PPP1R8: variants seen among roughly 807,000 people sequenced by gnomAD.
PPP1R8 encodes nuclear inhibitor of protein phosphatase 1.
Under a neutral mutation model 31.3 loss-of-function variants are expected in PPP1R8, and 4 were observed. The observed-to-expected ratio is 0.13, with a 90% confidence interval of 0.06 to 0.29. The LOEUF (loss-of-function observed/expected upper bound fraction) is 0.29. PPP1R8 is among the 10% of genes least tolerant of loss of function. The pLI, the probability that PPP1R8 is intolerant of heterozygous loss-of-function variation, is 1.00. For missense variants in PPP1R8, 254 were observed against 440.1 expected (o/e 0.58, Z 3.78); for synonymous variants, 170 against 169.7 (o/e 1.00, Z -0.01).
At chr1:27,835,368 T>G (rs1193737652) in intron 2 of PPP1R8, among the ~76,000 whole-genome samples, 2 of 152,188 alleles carry the variant, frequency 1.3e-5, no homozygotes, top group Admixed American at 6.5e-5. Flanking sequence ...TTCTGGGCTC[T>G]CTCTTAATCC....
chr1:27,832,830 T>C lies in PPP1R8; in HGVS notation c.117+14T>C, dbSNP rs1325072217. 21 of 1,597,100 alleles carry C rather than the reference T, an allele frequency of 1.3e-5. No individual in the cohort carries two copies. The highest frequency in any genetic ancestry group is 1.8e-5 in the Non-Finnish European group (21 of 1,169,140). ...AAACTAATTGAGGTATGGAAATACA[T>C]GTCTTACTTTTTTGGCTGCCACACT... On this transcript the variant is annotated intron_variant, in intron 2 of 6. Transcript: ENST00000311772.
rs1453161267 is a variant in PPP1R8, at chr1:27,840,940, C to T, written c.272-74C>T. The stretch of plus-strand genomic sequence containing the variant: ...GAAGCTGACCTGATAAGAGAGTTGG[C>T]GATCATACTCTTCCTTCTAAAACTC... On this transcript the variant is annotated intron_variant, in intron 3 of 6. Coordinates refer to ENST00000311772, the MANE Select transcript of PPP1R8 (RefSeq NM_014110.5). The T allele has an allele frequency of 6.1e-6, 9 of 1,465,624 alleles. No individual in the cohort carries two copies. In the East Asian group the frequency reaches 1.1e-4, roughly 19 times the overall value. 90.8% of individuals were successfully genotyped at this position (1,465,624 alleles called of 1,614,324 possible).
chr1:27,837,876 A>G (rs1435958702), intron 2 of PPP1R8, among the ~76,000 whole-genome samples: 1 of 151,840 alleles, frequency 6.6e-6, no homozygotes, highest in Non-Finnish European at 1.5e-5. Flanking sequence ...GGAGTTCAAG[A>G]CCAACCTGGC....
At chr1:27,833,471 A>T (rs2089131713) in intron 2 of PPP1R8, among the ~76,000 whole-genome samples, 1 of 152,220 alleles carries the variant, frequency 6.6e-6, no homozygotes, top group Non-Finnish European at 1.5e-5. Context: ...AGTTTAGCAG[A>T]ATTCCAGCTT....
chr1:27,843,392 C>T (rs2148618341), intron 5 of PPP1R8, 62 bp downstream of exon 5: 1 of 1,602,006 alleles, frequency 6.2e-7, no homozygotes, highest in Non-Finnish European at 8.5e-7. Flanking sequence ...CGCGGTGGCT[C>T]ACGCCTGTAG....
chr1:27,846,773 C>T (rs1245869307), intron 5 of PPP1R8, among the ~76,000 whole-genome samples: 2 of 152,194 alleles, frequency 1.3e-5, no homozygotes, highest in Non-Finnish European at 2.9e-5. Context: ...GTACTCTCCA[C>T]CAGAGCAACT....
At chr1:27,837,730 G>A (rs539238226) in intron 2 of PPP1R8, among the ~76,000 whole-genome samples, 4 of 147,476 alleles carry the variant, frequency 2.7e-5, no homozygotes, top group South Asian at 2.2e-4. Context: ...AGCCGAGATC[G>A]CACCACTGCA....
At chr1:27,847,768 A>C (rs1395331268) in intron 6 of PPP1R8, among the ~76,000 whole-genome samples, 1 of 152,080 alleles carries the variant, frequency 6.6e-6, no homozygotes, top group East Asian at 1.9e-4. Flanking sequence ...CTGTTGAGTG[A>C]GTGCTTAATT....
intron 4 of PPP1R8, among the ~76,000 whole-genome samples, chr1:27,842,197 C>T (rs527751094): frequency 1.8e-4 from 28 of 152,132 alleles, no homozygotes; most frequent in East Asian, 9.7e-4. Flanking sequence ...AAAAAATTAG[C>T]TGGGTGTGGT....
intron 5 of PPP1R8, among the ~76,000 whole-genome samples, chr1:27,844,009 T>G (rs1388327681): frequency 1.3e-5 from 2 of 152,142 alleles, no homozygotes; most frequent in Non-Finnish European, 2.9e-5. Context: ...TTTTTCTTTT[T>G]TGTGTGTGTG....
At chr1:27,845,624 T>C (rs1486490228) in intron 5 of PPP1R8, among the ~76,000 whole-genome samples, 2 of 151,880 alleles carry the variant, frequency 1.3e-5, no homozygotes, top group Admixed American at 1.3e-4. Flanking sequence ...ATGGTGAATA[T>C]AATACCAGAG....
chr1:27,843,527 G>A (rs1157041085), intron 5 of PPP1R8, among the ~76,000 whole-genome samples, 197 bp downstream of exon 5: 1 of 152,182 alleles, frequency 6.6e-6, no homozygotes, highest in African/African-American at 2.4e-5. Flanking sequence ...GGGCATGGTG[G>A]TGTTCGCCTG....
At chr1:27,830,949 A>C (rs2089095539) in intron 1 of PPP1R8, 58 bp downstream of exon 1, 1 of 1,482,494 alleles carries the variant, frequency 6.7e-7, no homozygotes, top group East Asian at 2.6e-5. Context: ...CTGGGCTGGA[A>C]GGGCGGCTCT....
chr1:27,840,115 A>G (rs1488508728), intron 3 of PPP1R8, among the ~76,000 whole-genome samples: 1 of 152,330 alleles, frequency 6.6e-6, no homozygotes, highest in African/African-American at 2.4e-5. Context: ...ATCCATAAGC[A>G]TACACCAATT....
rs780875566 is a variant in PPP1R8, at chr1:27,850,134, A to G, written c.744A>G (p.Glu248=). 6.2e-7 allele frequency: 1 copy of G among 1,603,682 alleles called. No individual in the cohort carries two copies. Among genetic ancestry groups the G allele is most frequent in the Non-Finnish European group, 8.5e-7 (1 of 1,173,116 alleles). Residue 248 remains glutamate, a synonymous_variant, in exon 7 of 7, where the codon GAA becomes GAG. Transcript: ENST00000311772. ...VEGPGSLGLE[E]SGSRRMQNFA... ...GCCCTGGCTCCCTGGGCCTGGAGGAATCAGGGAGCAGGCGCATGCAGAACT... is the reference window on the plus strand; with the variant it reads ...GCCCTGGCTCCCTGGGCCTGGAGGAGTCAGGGAGCAGGCGCATGCAGAACT...
intron 5 of PPP1R8, among the ~76,000 whole-genome samples, chr1:27,844,556 C>G (rs1448264108): frequency 1.3e-5 from 2 of 151,772 alleles, no homozygotes; most frequent in African/African-American, 4.8e-5. Flanking sequence ...TTTTGAACTC[C>G]TGACCTCAGG....
chr1:27,843,092 C>T, intron 4 of PPP1R8, 94 bp from the exon 5 acceptor site: 1 of 1,460,282 alleles, frequency 6.8e-7, no homozygotes, highest in Non-Finnish European at 9.4e-7. Context: ...CAAGATTAGC[C>T]CCTCATGCCT....
Position 27,830,847 on chromosome 1 carries a change from C to A in PPP1R8, c.12C>A (p.Ala4=). The A allele has an allele frequency of 6.3e-7, 1 of 1,576,376 alleles. No individual in the cohort carries two copies. The highest frequency in any genetic ancestry group is 8.6e-7 in the Non-Finnish European group (1 of 1,162,120). Reference sequence around the variant, plus strand: ...GGGGGAGACGCAAGATGGCGGCAGCCGCGAACTCCGGCTCTAGCCTCCCGC... The same window carrying A: ...GGGGGAGACGCAAGATGGCGGCAGCAGCGAACTCCGGCTCTAGCCTCCCGC... MAA[A]ANSGSSLPLF... is the part of the protein sequence containing the mutation. Residue 4 remains alanine, a synonymous_variant, in exon 1 of 7, where the codon GCC becomes GCA. Coordinates refer to ENST00000311772, the MANE Select transcript of PPP1R8 (RefSeq NM_014110.5).
In PPP1R8 at chr1:27,850,532, T is replaced by C. The variant is rs566659160; in HGVS notation, c.*86T>C. The C allele has an allele frequency of 1.2e-5, 15 of 1,205,356 alleles. No individual in the cohort carries two copies. The Admixed American group carries it at 1.6e-4, about 13-fold the overall frequency. The allele number at this position is 1,205,356 out of a possible 1,614,324, so 74.7% of individuals were successfully genotyped here. A position where few individuals can be genotyped will look rare whatever the true frequency, so the allele number is the denominator to read the frequency against. On this transcript the variant is annotated 3_prime_UTR_variant, in exon 7 of 7. Coordinates refer to ENST00000311772, the MANE Select transcript of PPP1R8 (RefSeq NM_014110.5). Reference sequence around the variant, plus strand: ...GCTAATGAACTAGGGAGAAAAACTTTCCATGTGTGCGGTATCGTCTTTCAG... The same window carrying C: ...GCTAATGAACTAGGGAGAAAAACTTCCCATGTGTGCGGTATCGTCTTTCAG...
Sources: gnomAD v4.1 joint callset for allele counts (sites outside exome capture counted in the v4.1 genomes callset) on GRCh38, gnomAD v4.1.1 for gene constraint, MANE v1.5 for transcripts, NCBI Gene and HGNC (gene_info 2026-07-23, HGNC 2026-07-21) for gene names.